ECEL1: variants seen among roughly 807,000 people sequenced by gnomAD.
ECEL1 encodes endothelin-converting enzyme-like 1.
ECEL1 carries 87 observed loss-of-function variants against 101.8 expected under a neutral mutation model. The ratio of observed to expected loss-of-function variants is 0.85; its 90% confidence interval spans 0.72 to 1.02. ECEL1 has a LOEUF of 1.02. Among genes scored for constraint, ECEL1 ranks in the 50% least tolerant of loss-of-function variants. ECEL1 has a pLI of 0.00. For missense variants in ECEL1, 1,032 were observed against 1,079.2 expected, an observed-to-expected ratio of 0.96 and a Z score of 0.61; for synonymous variants, 487 against 468.7, an observed-to-expected ratio of 1.04 and a Z score of -0.50.
chr2:232,481,749 C>T (rs967430473), intron 13 of ECEL1, 33 bp downstream of exon 13: 17 of 1,613,292 alleles, frequency 1.1e-5, no homozygotes, highest in South Asian at 2.2e-5. Context: ...CTGCCCCCTC[C>T]GGGCCATCCC....
At chr2:232,483,012 G>A in intron 9 of ECEL1, 58 bp from the exon 10 acceptor site, 2 of 1,612,284 alleles carry the variant, frequency 1.2e-6, no homozygotes, top group Middle Eastern at 1.7e-4. Flanking sequence ...CCTGCAGACT[G>A]GGCAACAACC....
In ECEL1 at chr2:232,484,824, G is replaced by T; in HGVS notation, c.1036C>A (p.Gln346Lys). The change falls in exon 5 of 18, where the codon CAG (glutamine) becomes AAG (lysine). Residue 346 changes from glutamine (Q) to lysine (K), a missense_variant. By Grantham distance (53) the Gln-to-Lys change is moderately conservative (BLOSUM62 1). Coordinates refer to ENST00000304546, the MANE Select transcript of ECEL1 (RefSeq NM_004826.4). ...ACGTGGGGGGTGATCTTCTGCAGCTGCCCCAGCGTCACCTTGTTGTACATG... is the reference window on the plus strand; with the variant it reads ...ACGTGGGGGGTGATCTTCTGCAGCTTCCCCAGCGTCACCTTGTTGTACATG... ...SSMYNKVTLG[Q>K]LQKITPHLRW... The T allele has an allele frequency of 6.2e-7, 1 of 1,613,988 alleles. No homozygotes were observed. The highest frequency in any genetic ancestry group is 8.5e-7 in the Non-Finnish European group (1 of 1,180,020).
chr2:232,485,989 AC>A lies in ECEL1; in HGVS notation c.664del (p.Val222SerfsTer121). ...CCGGTTGAGGTCCCATCGCGCCGCG[AC>A]CCCCGGACGCTCCTCCGCGCCGCCC... is the stretch of plus-strand genomic sequence containing the variant. ...DLGGAEERPG[V>X]AARWDLNRLL... On this transcript the variant is annotated frameshift_variant, in exon 2 of 18. Coordinates refer to ENST00000304546, the MANE Select transcript of ECEL1 (RefSeq NM_004826.4). LOFTEE classifies it high-confidence loss of function. 1 of 1,604,238 alleles carries A rather than the reference AC, an allele frequency of 6.2e-7. No homozygotes were observed. The highest frequency in any genetic ancestry group is 1.7e-4 in the Middle Eastern group (1 of 6,026).
chr2:232,480,936 C>T (rs1690561500), intron 15 of ECEL1, 123 bp from the exon 16 acceptor site: 2 of 1,340,952 alleles, frequency 1.5e-6, no homozygotes, highest in African/African-American at 2.9e-5. Flanking sequence ...AATCCTTCCT[C>T]TTCCAGTGGA....
intron 9 of ECEL1, 57 bp from the exon 10 acceptor site, chr2:232,483,011 T>C: frequency 1.9e-6 from 3 of 1,612,370 alleles, no homozygotes; most frequent in Non-Finnish European, 2.5e-6. Context: ...ACCTGCAGAC[T>C]GGGCAACAAC....
intron 12 of ECEL1, among the ~76,000 whole-genome samples, 198 bp downstream of exon 12, chr2:232,482,220 G>A (rs1690598937): frequency 6.6e-6 from 1 of 152,178 alleles, no homozygotes. Flanking sequence ...ACCCCAGGAA[G>A]TTACAAATAA....
At position 232,485,293 on chromosome 2, in the gene ECEL1, G is replaced by A. The variant is rs373674874; in HGVS notation, c.787-26C>T. On this transcript the variant is annotated intron_variant, in intron 2 of 17. Transcript: ENST00000304546. ...CTGGGGAGGGAGACAGGGGCCACAG[G>A]TCAGAGGCCCACACCTCAGGTTCCC... The A allele has an allele frequency of 3.2e-4, 523 of 1,610,386 alleles. 4 individuals carry two copies. The highest frequency in any genetic ancestry group is 2.9e-3 in the South Asian group (259 of 90,574).
chr2:232,486,557 G>T lies in ECEL1; in HGVS notation c.97C>A (p.Leu33Met), dbSNP rs1690735560. The T allele has an allele frequency of 3.7e-6, 5 of 1,367,616 alleles. No homozygotes were observed. Among genetic ancestry groups the T allele is most frequent in the Non-Finnish European group, 4.7e-6 (5 of 1,064,914 alleles). 84.7% of individuals were successfully genotyped at this position (1,367,616 alleles called of 1,614,324 possible). A position where few individuals can be genotyped will look rare whatever the true frequency, so the allele number is the denominator to read the frequency against. Residue 33 changes from leucine to methionine, a missense_variant, in exon 2 of 18, where the codon CTG becomes ATG. Transcript: ENST00000304546. ...CGAGGARGAS[L>M]PPGFPLGAAR... is the part of the protein sequence containing the mutation. ...GCGCCCAACGGGAAGCCCGGGGGCA[G>T]GGAGGCCCCGCGCGCGCCCCCCGCG... is the stretch of plus-strand genomic sequence containing the variant.
At chr2:232,481,698 C>T in intron 13 of ECEL1, 68 bp from the exon 14 acceptor site, 1 of 1,606,510 alleles carries the variant, frequency 6.2e-7, no homozygotes, top group Non-Finnish European at 8.5e-7. Flanking sequence ...CCCACCAGCC[C>T]CAGTTAGGCC....
rs1553568161 is a variant in ECEL1, at chr2:232,486,550, G to A, written c.104C>T (p.Pro35Leu). 1 of 1,351,488 alleles carries A rather than the reference G, an allele frequency of 7.4e-7. No individual in the cohort carries two copies. The highest frequency in any genetic ancestry group is 1.5e-5 in the African/African-American group (1 of 65,062). The allele number at this position is 1,351,488 out of a possible 1,614,324, so 83.7% of individuals were successfully genotyped here. A position where few individuals can be genotyped will look rare whatever the true frequency, so the allele number is the denominator to read the frequency against. Residue 35 changes from proline (P) to leucine (L), a missense_variant, in exon 2 of 18, where the codon CCG becomes CTG. By Grantham distance (98) the Pro-to-Leu change is moderately conservative (BLOSUM62 -3). Coordinates refer to ENST00000304546, the MANE Select transcript of ECEL1 (RefSeq NM_004826.4). ...AGGARGASLP[P>L]GFPLGAARSA... Reference sequence around the variant, plus strand: ...GCGCGCAGCGCCCAACGGGAAGCCCGGGGGCAGGGAGGCCCCGCGCGCGCC... The same window carrying A: ...GCGCGCAGCGCCCAACGGGAAGCCCAGGGGCAGGGAGGCCCCGCGCGCGCC...
chr2:232,482,817 T>C (rs777886260), intron 10 of ECEL1, 34 bp downstream of exon 10: 1 of 1,610,572 alleles, frequency 6.2e-7, no homozygotes, highest in African/African-American at 1.3e-5. Context: ...CCCACAACCC[T>C]TCCCTGACCC....
At chr2:232,484,642 C>T (rs866067443) in intron 5 of ECEL1, 46 bp from the exon 6 acceptor site, 3 of 1,609,530 alleles carry the variant, frequency 1.9e-6, no homozygotes, top group East Asian at 2.2e-5. Flanking sequence ...TTGGCAGGGG[C>T]CACAGAAGAC....
chr2:232,483,598 A>C (rs1690642600), intron 7 of ECEL1, 84 bp from the exon 8 acceptor site: 1 of 1,168,350 alleles, frequency 8.6e-7, no homozygotes, highest in Non-Finnish European at 1.2e-6. Context: ...CCTGCCTTTA[A>C]GCACCACTTT....
chr2:232,482,402 C>A lies in ECEL1; in HGVS notation c.1796+16G>T, dbSNP rs779657574. The A allele has an allele frequency of 3.1e-6, 5 of 1,613,762 alleles. No individual in the cohort carries two copies. Among genetic ancestry groups the A allele is most frequent in the African/African-American group, 1.3e-5 (1 of 75,044 alleles). ...GCCCTGCCCTCAGCCACAAACAGGG[C>A]AAGCTATGTACTCACTGTGGGAAGT... On this transcript the variant is annotated intron_variant, in intron 12 of 17. Coordinates refer to ENST00000304546, the MANE Select transcript of ECEL1 (RefSeq NM_004826.4).
chr2:232,481,962 C>A, intron 12 of ECEL1, 113 bp from the exon 13 acceptor site: 1 of 1,434,212 alleles, frequency 7.0e-7, no homozygotes. Flanking sequence ...ACAGGGAGGC[C>A]ACAGAGGCAT....
Position 232,485,214 on chromosome 2 carries a change from A to G in ECEL1, c.840T>C (p.Asp280=). ...GCCCCAGCACCTTCTCACTGTCCTC[A>G]TCCTGAGCGAGGTACAGGGTCCTCT... ...LPERTLYLAQ[D]EDSEKILAAY... Residue 280 remains aspartate (D), a synonymous_variant, in exon 3 of 18, where the codon GAT becomes GAC. Transcript: ENST00000304546. 6.2e-7 allele frequency: 1 copy of G among 1,613,540 alleles called. No homozygotes were observed. The highest frequency in any genetic ancestry group is 1.1e-5 in the South Asian group (1 of 91,060).
At chr2:232,482,753 C>A (rs1575076257) in intron 10 of ECEL1, 98 bp downstream of exon 10, 3 of 1,519,286 alleles carry the variant, frequency 2.0e-6, no homozygotes, top group East Asian at 4.5e-5. Flanking sequence ...GCGTGTGTGC[C>A]CCCCATATCT....
In ECEL1 at chr2:232,480,475, T is replaced by G. The variant is rs956144314; in HGVS notation, c.2152A>C (p.Asn718His). 32 of 1,613,734 alleles carry G rather than the reference T, an allele frequency of 2.0e-5. No individual in the cohort carries two copies. In the East Asian group the frequency reaches 2.2e-4, roughly 11 times the overall value. Residue 718 changes from asparagine (N) to histidine (H), a missense_variant and splice_region_variant, in exon 17 of 18, where the codon AAC becomes CAC. By Grantham distance (68) the Asn-to-His change is moderately conservative. Coordinates refer to ENST00000304546, the MANE Select transcript of ECEL1 (RefSeq NM_004826.4). Reference protein sequence around the residue: ...DQLFFIAFAQNWCIKRRSQSI... With the variant: ...DQLFFIAFAQHWCIKRRSQSI... Reference sequence around the variant, plus strand: ...TGCGACCGCCGCTTGATGCACCAGTTCTGGGTCCAGGAGCGGGGTGGAGGG... The same window carrying G: ...TGCGACCGCCGCTTGATGCACCAGTGCTGGGTCCAGGAGCGGGGTGGAGGG...
chr2:232,480,124 A>T lies in ECEL1; in HGVS notation c.*29T>A, dbSNP rs1690538109. ...AGCAGGAGGTGATTCGTGCGGGGGCAGTGGGGGCGTGCAGGCGGGCAGCCA... is the reference window on the plus strand; with the variant it reads ...AGCAGGAGGTGATTCGTGCGGGGGCTGTGGGGGCGTGCAGGCGGGCAGCCA... On this transcript the variant is annotated 3_prime_UTR_variant, in exon 18 of 18. Coordinates refer to ENST00000304546, the MANE Select transcript of ECEL1 (RefSeq NM_004826.4). 6.2e-7 allele frequency: 1 copy of T among 1,600,894 alleles called. No individual in the cohort carries two copies. Among genetic ancestry groups the T allele is most frequent in the African/African-American group, 1.3e-5 (1 of 74,594 alleles).
Sources: allele counts gnomAD v4.1 joint callset (sites outside exome capture counted in the v4.1 genomes callset), GRCh38; gene constraint gnomAD v4.1.1; transcripts MANE v1.5; gene names NCBI Gene and HGNC (gene_info 2026-07-23, HGNC 2026-07-21).